Variants in BRINP3 observed in about 807,000 individuals in gnomAD.
BRINP3 encodes BMP/retinoic acid-inducible neural-specific protein 3.
BRINP3 carries 19 observed loss-of-function variants against 71.0 expected under a neutral mutation model. That is an observed-to-expected ratio of 0.27 (90% CI 0.19 to 0.39). The LOEUF is 0.39. BRINP3 is among the 10% of genes least tolerant of loss of function. The pLI is 1.00. For synonymous variants in BRINP3, 380 were observed against 337.7 expected (o/e 1.13, Z -1.37); for missense variants, 959 against 940.8 (o/e 1.02, Z -0.25).
At chr1:190,207,373 A>G (rs1214789700) in intron 6 of BRINP3, among the ~76,000 whole-genome samples, 1 of 152,124 alleles carries the variant, frequency 6.6e-6, no homozygotes, top group Non-Finnish European at 1.5e-5. Context: ...CAACTACCTG[A>G]CAACCTGACA....
At chr1:190,223,803 T>TA (rs1657093432) in intron 6 of BRINP3, among the ~76,000 whole-genome samples, 3 of 151,750 alleles carry the variant, frequency 2.0e-5, no homozygotes, top group Admixed American at 1.3e-4. Context: ...TTAAAATTGA[T>TA]AAAAACATTC....
In BRINP3 at chr1:190,405,473, AAAAAAAAAAAAAAAAAAAAC is replaced by A. The variant is rs1361444961; in HGVS notation, c.236+49162_236+49181del. On this transcript the variant is annotated intron_variant, in intron 2 of 7. Coordinates refer to ENST00000367462, the MANE Select transcript of BRINP3 (RefSeq NM_199051.3). Reference sequence around the variant, plus strand: ...CTCAAAAAAAAAAAAAAAAAAAAAAAAAAAAAAAAAAAAAAAAAACCAGAATCAGAAGCGTGACATATCAT... The same window carrying A: ...CTCAAAAAAAAAAAAAAAAAAAAAAACAGAATCAGAAGCGTGACATATCAT... Among the ~76,000 whole-genome samples the A allele has an allele frequency of 3.3e-4, 30 of 92,120 alleles. 1 individual carries two copies. Among genetic ancestry groups the A allele is most frequent in the Admixed American group, 4.8e-4 (5 of 10,502 alleles). 60.4% of individuals were successfully genotyped at this position (92,120 alleles called of 152,430 possible).
rs1490676044 is a variant in BRINP3, at chr1:190,160,689, A to G, written c.1163T>C (p.Leu388Pro). The G allele has an allele frequency of 6.2e-7, 1 of 1,612,980 alleles. No individual in the cohort carries two copies. The highest frequency in any genetic ancestry group is 1.3e-5 in the African/African-American group (1 of 74,846). The change falls in exon 7 of 8, where the codon CTC becomes CCC. Residue 388 changes from leucine (L) to proline (P), a missense_variant. Transcript: ENST00000367462. ...TTACCTTTGTCTTGGCAGGCTGATG[A>G]GGGGTTGTTTATGACACCTCTTGCT... Reference protein sequence around the residue: ...SLSKRCHKQPLISLPRQRTST... With the variant: ...SLSKRCHKQPPISLPRQRTST...
intron 2 of BRINP3, among the ~76,000 whole-genome samples, chr1:190,383,474 A>C (rs924566109): frequency 6.6e-6 from 1 of 152,064 alleles, no homozygotes; most frequent in Non-Finnish European, 1.5e-5. Flanking sequence ...TTGTTCCCTA[A>C]AAATTTCCAG....
chr1:190,188,667 T>C (rs1653758487), intron 6 of BRINP3, among the ~76,000 whole-genome samples: 1 of 152,204 alleles, frequency 6.6e-6, no homozygotes, highest in Non-Finnish European at 1.5e-5. Context: ...TTGCTTTGTA[T>C]TGTTTGGATT....
intron 6 of BRINP3, among the ~76,000 whole-genome samples, chr1:190,201,267 CT>C (rs1262238515): frequency 6.6e-6 from 1 of 152,144 alleles, no homozygotes; most frequent in Non-Finnish European, 1.5e-5. Context: ...CATTTTGCCC[CT>C]GCCCTAGAGA....
At chr1:190,366,742 A>G (rs896837983) in intron 2 of BRINP3, among the ~76,000 whole-genome samples, 5 of 152,322 alleles carry the variant, frequency 3.3e-5, no homozygotes, top group Non-Finnish European at 7.3e-5. Context: ...TCGAAATGCA[A>G]GCAATTGGCC....
At chr1:190,139,957 C>T (rs181701782) in intron 7 of BRINP3, among the ~76,000 whole-genome samples, 225 of 152,082 alleles carry the variant, frequency 1.5e-3, no homozygotes, top group Non-Finnish European at 2.1e-3. Context: ...CGAATAAATA[C>T]GATAAAAATG....
rs141798079 is a variant in BRINP3 at position 190,326,450 on chromosome 1, G to C, written c.237-44700C>G. On this transcript the variant is annotated intron_variant, in intron 2 of 7. Coordinates refer to ENST00000367462, the MANE Select transcript of BRINP3 (RefSeq NM_199051.3). ...TAGACAGTCAGATAGAGGAAATCAG[G>C]AGACCACCTACAAAATACTATACAA... 6.7e-3 allele frequency among the ~76,000 whole-genome samples: 1,014 copies of C among 151,984 alleles called. 8 individuals carry two copies. The highest frequency in any genetic ancestry group is 0.02 in the Middle Eastern group (6 of 294).
intron 6 of BRINP3, among the ~76,000 whole-genome samples, chr1:190,191,180 C>G (rs769141622): frequency 1.9e-4 from 29 of 152,116 alleles, no homozygotes; most frequent in Non-Finnish European, 4.0e-4. Flanking sequence ...TGATTCTCTT[C>G]TCAGACTTAG....
At chr1:190,375,698 A>G (rs1421223208) in intron 2 of BRINP3, among the ~76,000 whole-genome samples, 1 of 152,006 alleles carries the variant, frequency 6.6e-6, no homozygotes, top group Non-Finnish European at 1.5e-5. Context: ...TAACCTAATT[A>G]CAGTTGTTCA....
At chr1:190,453,203 A>ATTTTTTTTTTTTTTGTTTTTTTTTTTT (rs1675746747) in intron 2 of BRINP3, among the ~76,000 whole-genome samples, 1 of 40,888 alleles carries the variant, frequency 2.4e-5, no homozygotes, top group Non-Finnish European at 4.2e-5. Flanking sequence ...AAACTTTAGT[A>ATTTTTTTTTTTTTTGTTTTTTTTTTTT]TTTTTTTTTT....
rs558660713 is a variant in BRINP3, at chr1:190,431,179, A to T, written c.236+23476T>A. ...TTAATAAAAATAATTCCAGAAATGT[A>T]ATGAAAATTTGACTAATACATTTAG... On this transcript the variant is annotated intron_variant, in intron 2 of 7. Coordinates refer to ENST00000367462, the MANE Select transcript of BRINP3 (RefSeq NM_199051.3). Among the ~76,000 whole-genome samples the T allele has an allele frequency of 7.4e-4, 113 of 152,272 alleles. 3 individuals are homozygous for T. The highest frequency in any genetic ancestry group is 4.3e-4 in the Non-Finnish European group (29 of 68,014).
intron 6 of BRINP3, among the ~76,000 whole-genome samples, chr1:190,219,757 GA>G (rs541376943): frequency 1.0e-3 from 156 of 151,984 alleles, no homozygotes; most frequent in South Asian, 4.4e-3. Flanking sequence ...AGAATCGCTT[GA>G]ACCTGGGAGG....
chr1:190,216,988 A>T (rs1457152072), intron 6 of BRINP3: 1 of 151,956 alleles, frequency 6.6e-6, no homozygotes, highest in Non-Finnish European at 1.5e-5. Flanking sequence ...TTTTCACATT[A>T]CATTGAATCA....
chr1:190,252,917 G>T (rs976730721), intron 4 of BRINP3, among the ~76,000 whole-genome samples: 3 of 151,898 alleles, frequency 2.0e-5, no homozygotes, highest in Non-Finnish European at 4.4e-5. Flanking sequence ...TTCTCTTAAT[G>T]CTATCCCTCC....
At chr1:190,458,964 A>T (rs10920722) in intron 1 of BRINP3, among the ~76,000 whole-genome samples, 28,817 of 151,812 alleles carry the variant, frequency 0.19, 2,837 homozygotes, top group South Asian at 0.22. Context: ...AAGAACACAA[A>T]AAAACAAAAC....
At chr1:190,343,388 A>C (rs781427857) in intron 2 of BRINP3, among the ~76,000 whole-genome samples, 2 of 151,828 alleles carry the variant, frequency 1.3e-5, no homozygotes, top group Non-Finnish European at 2.9e-5. Flanking sequence ...AAACCAAATT[A>C]GCCTGATTTT....
intron 2 of BRINP3, among the ~76,000 whole-genome samples, chr1:190,338,322 A>G (rs143094326): frequency 2.6e-5 from 4 of 152,168 alleles, no homozygotes; most frequent in African/African-American, 7.2e-5. Flanking sequence ...GAATTACTTA[A>G]TAAAGGACCT....
Sources: gnomAD v4.1 joint callset for allele counts (sites outside exome capture counted in the v4.1 genomes callset) on GRCh38, gnomAD v4.1.1 for gene constraint, MANE v1.5 for transcripts, NCBI Gene and HGNC (gene_info 2026-07-23, HGNC 2026-07-21) for gene names.